The following ZNF438 variants were observed in gnomAD, a reference collection of about 807,000 sequenced individuals.
The protein encoded by ZNF438 is zinc finger protein 438.
A neutral mutation model predicts 38.0 loss-of-function variants in ZNF438; 25 were observed. The ratio of observed to expected loss-of-function variants is 0.66; its 90% CI spans 0.48 to 0.92. The LOEUF (loss-of-function observed/expected upper bound fraction) is 0.92. Among genes scored for constraint, ZNF438 ranks in the 40% least tolerant of loss-of-function variants. The probability of loss-of-function intolerance (pLI) is 0.00; values close to 1 mark genes in which losing one functional copy is unlikely to be tolerated. For synonymous variants in ZNF438, 372 were observed against 364.1 expected, an observed-to-expected ratio of 1.02 and a Z score of -0.25; for missense variants, 1,007 against 999.6, an observed-to-expected ratio of 1.01 and a Z score of -0.10.
At chr10:30,913,856 T>C (rs542209475) in intron 2 of ZNF438, among the ~76,000 whole-genome samples, 3 of 152,258 alleles carry the variant, frequency 2.0e-5, no homozygotes, top group East Asian at 1.9e-4. Flanking sequence ...AGTTAGGGAA[T>C]AGAATGTTCC....
chr10:30,857,413 C>T (rs1485110065), intron 4 of ZNF438, among the ~76,000 whole-genome samples: 1 of 151,984 alleles, frequency 6.6e-6, no homozygotes, highest in African/African-American at 2.4e-5. Context: ...TGCCACCATG[C>T]CCAGCTAATT....
chr10:31,010,318 A>T (rs2055555755), intron 1 of ZNF438, among the ~76,000 whole-genome samples: 1 of 152,324 alleles, frequency 6.6e-6, no homozygotes, highest in Non-Finnish European at 1.5e-5. Flanking sequence ...ATGTTATAAT[A>T]GCTCCACTGA....
At chr10:30,928,027 G>A (rs1174129382) in intron 2 of ZNF438, among the ~76,000 whole-genome samples, 5 of 152,112 alleles carry the variant, frequency 3.3e-5, no homozygotes, top group Non-Finnish European at 5.9e-5. Flanking sequence ...TTTTATTTGG[G>A]TCTCCGTACA....
intron 1 of ZNF438, among the ~76,000 whole-genome samples, chr10:30,991,588 T>C (rs575347114): frequency 1.3e-5 from 2 of 152,288 alleles, no homozygotes; most frequent in East Asian, 1.9e-4. Flanking sequence ...AGGTTCTACC[T>C]GTGGGGAGAT....
intron 2 of ZNF438, among the ~76,000 whole-genome samples, chr10:30,936,332 T>C (rs1274910282): frequency 2.0e-5 from 3 of 152,228 alleles, no homozygotes; most frequent in African/African-American, 7.2e-5. Flanking sequence ...AACCATCCAC[T>C]TTCTGGTTAA....
chr10:30,860,039 C>T (rs1381710371), intron 4 of ZNF438, among the ~76,000 whole-genome samples: 1 of 152,126 alleles, frequency 6.6e-6, no homozygotes, highest in Non-Finnish European at 1.5e-5. Flanking sequence ...TCTAGAATCC[C>T]TCTTCCCCAA....
exon 6 of ZNF438, chr10:30,845,448 A>G (rs2031742995): frequency 2.5e-6 from 4 of 1,614,176 alleles, no homozygotes; most frequent in Non-Finnish European, 3.4e-6. Context: ...ATGAACATCA[A>G]GTAAATGAAA....
At chr10:30,936,160 A>T (rs372226288) in intron 2 of ZNF438, among the ~76,000 whole-genome samples, 3 of 152,210 alleles carry the variant, frequency 2.0e-5, no homozygotes, top group Admixed American at 1.3e-4. Context: ...AACTCGACTT[A>T]TGACTTCGGT....
At chr10:30,852,671 A>G (rs2033883745) in intron 4 of ZNF438, among the ~76,000 whole-genome samples, 2 of 152,266 alleles carry the variant, frequency 1.3e-5, no homozygotes, top group African/African-American at 4.8e-5. Context: ...TGTTTTGCAA[A>G]GAAAAAGGAC....
intron 2 of ZNF438, among the ~76,000 whole-genome samples, chr10:30,932,369 T>C (rs1466052566): frequency 6.6e-6 from 1 of 152,234 alleles, no homozygotes; most frequent in Non-Finnish European, 1.5e-5. Flanking sequence ...TACATTTAAA[T>C]TACATATGAA....
chr10:31,017,999 T>C (rs777823940), intron 1 of ZNF438, among the ~76,000 whole-genome samples: 17 of 152,374 alleles, frequency 1.1e-4, no homozygotes, highest in Non-Finnish European at 2.1e-4. Flanking sequence ...ACCTTTGTTG[T>C]TGTAAGGAAC....
chr10:31,005,756 T>C (rs1350802414), intron 1 of ZNF438, among the ~76,000 whole-genome samples: 4 of 152,200 alleles, frequency 2.6e-5, no homozygotes, highest in African/African-American at 4.8e-5. Context: ...GTTAAATATA[T>C]ACAATAAAAA....
At chr10:30,876,513 T>C (rs2038443518) in intron 4 of ZNF438, among the ~76,000 whole-genome samples, 1 of 152,164 alleles carries the variant, frequency 6.6e-6, no homozygotes, top group South Asian at 2.1e-4. Context: ...AAAAGTAAAA[T>C]AGTTTTTCTA....
chr10:31,013,179 C>T (rs891529178), intron 1 of ZNF438, among the ~76,000 whole-genome samples: 2 of 152,148 alleles, frequency 1.3e-5, no homozygotes, highest in Admixed American at 6.5e-5. Flanking sequence ...ATTAGCCGCG[C>T]GCGGTGGCGG....
At chr10:30,882,803 C>A (rs540056734) in intron 3 of ZNF438, among the ~76,000 whole-genome samples, 3 of 152,006 alleles carry the variant, frequency 2.0e-5, no homozygotes, top group Admixed American at 1.3e-4. Flanking sequence ...AGGGTATATA[C>A]GTATATCAAA....
chr10:30,961,266 A>T (rs12261660), intron 1 of ZNF438, among the ~76,000 whole-genome samples: 77,226 of 141,752 alleles, frequency 0.54, 24,524 homozygotes, highest in Middle Eastern at 0.63. Flanking sequence ...AAAAAAAAAA[A>T]TTTTTTAATT....
chr10:30,850,018 A>G (rs547071105), exon 5 of ZNF438: 6 of 1,613,898 alleles, frequency 3.7e-6, no homozygotes, highest in Non-Finnish European at 4.2e-6. Context: ...ATGCTTTGCT[A>G]TTTCTAGGGG....
At chr10:30,849,608 G>A in exon 5 of ZNF438, 1 of 1,614,204 alleles carries the variant, frequency 6.2e-7, no homozygotes, top group South Asian at 1.1e-5. Context: ...CATGGTTTTT[G>A]CAAGATCAAC....
chr10:30,873,175 T>C (rs1227401285), intron 4 of ZNF438, among the ~76,000 whole-genome samples: 4 of 151,936 alleles, frequency 2.6e-5, no homozygotes, highest in Non-Finnish European at 5.9e-5. Context: ...AAAAAGGAGG[T>C]TATGGAAAAC....
Sources: gnomAD v4.1 joint callset for allele counts (sites outside exome capture counted in the v4.1 genomes callset) on GRCh38, gnomAD v4.1.1 for gene constraint, MANE v1.5 for transcripts, NCBI Gene and HGNC (gene_info 2026-07-23, HGNC 2026-07-21) for gene names.